SPEF2: variants seen among roughly 807,000 people sequenced by gnomAD.
SPEF2 encodes sperm flagellar and cilia associated 2.
Under a neutral mutation model 224.6 loss-of-function variants are expected in SPEF2, and 187 were observed. The ratio of observed to expected loss-of-function variants is 0.83; its 90% CI spans 0.74 to 0.94. The LOEUF is 0.94. Among genes scored for constraint, SPEF2 ranks in the 40% least tolerant of loss-of-function variants. The pLI is 0.00. For synonymous variants in SPEF2, 715 were observed against 707.3 expected, an observed-to-expected ratio of 1.01 and a Z score of -0.17; for missense variants, 2,170 against 2,135.6, an observed-to-expected ratio of 1.02 and a Z score of -0.32.
chr5:35,684,822 A>G (rs912759036), intron 10 of SPEF2, among the ~76,000 whole-genome samples: 1 of 152,226 alleles, frequency 6.6e-6, no homozygotes, highest in Non-Finnish European at 1.5e-5. Flanking sequence ...GCACAGCTCA[A>G]AATCATTACA....
At chr5:35,745,290 T>C (rs147060010) in intron 23 of SPEF2, among the ~76,000 whole-genome samples, 442 of 152,152 alleles carry the variant, frequency 2.9e-3, no homozygotes, top group Non-Finnish European at 4.7e-3. Context: ...CTGAACCTTG[T>C]AACAATTTGA....
chr5:35,807,205 T>A lies in SPEF2; in HGVS notation c.5331T>A (p.His1777Gln), dbSNP rs373714482. The A allele has an allele frequency of 1.5e-5, 25 of 1,613,788 alleles. No individual in the cohort carries two copies. The highest frequency in any genetic ancestry group is 1.6e-4 in the Middle Eastern group (1 of 6,080). Residue 1777 changes from histidine (H) to glutamine (Q), a missense_variant, in exon 36 of 37, where the codon CAT (histidine) becomes CAA (glutamine). Physicochemically the swap from His to Gln is conservative, Grantham distance 24. Transcript: ENST00000356031. Reference protein sequence around the residue: ...EPIEVAVLLKHPFIQDLISNY... With the variant: ...EPIEVAVLLKQPFIQDLISNY... ...TTGAAGTCGCTGTTCTCTTGAAGCA[T>A]CCTTTTATTCAAGACCTGATTTCAA...
chr5:35,689,421 A>G (rs1754121583), intron 10 of SPEF2, among the ~76,000 whole-genome samples: 1 of 152,146 alleles, frequency 6.6e-6, no homozygotes, highest in East Asian at 1.9e-4. Context: ...ATATTGCATG[A>G]TGCTATGTTT....
At chr5:35,648,304 G>A (rs954545904) in intron 5 of SPEF2, among the ~76,000 whole-genome samples, 7 of 151,574 alleles carry the variant, frequency 4.6e-5, no homozygotes, top group African/African-American at 1.7e-4. Flanking sequence ...ACCACCTACA[G>A]AGGCTTTTAT....
intron 23 of SPEF2, among the ~76,000 whole-genome samples, chr5:35,752,709 G>A (rs1009310824): frequency 0.046 from 8 of 174 alleles, no homozygotes; most frequent in East Asian, 0.35. Context: ...CCACCAGTTC[G>A]TATTCTGGCT....
intron 4 of SPEF2, 142 bp from the exon 5 acceptor site, chr5:35,646,525 A>G: frequency 1.5e-6 from 1 of 657,148 alleles, no homozygotes; most frequent in Non-Finnish European, 2.5e-6. Flanking sequence ...AATATTACAC[A>G]GTTGTGACAC....
intron 1 of SPEF2, among the ~76,000 whole-genome samples, chr5:35,624,313 T>C (rs1028305807): frequency 6.6e-6 from 1 of 152,200 alleles, no homozygotes; most frequent in Non-Finnish European, 1.5e-5. Context: ...ATCCCAGATG[T>C]AAGTAATTTT....
intron 30 of SPEF2, chr5:35,789,124 A>T (rs1335769195): frequency 2.9e-6 from 2 of 699,096 alleles, no homozygotes; most frequent in Non-Finnish European, 5.2e-6. Flanking sequence ...TTTGGGAAAG[A>T]TAACCACTAT....
At chr5:35,702,194 G>T (rs1738776630) in intron 16 of SPEF2, 1 of 456,114 alleles carries the variant, frequency 2.2e-6, no homozygotes, top group Non-Finnish European at 4.4e-6. Flanking sequence ...AGCCACTAGG[G>T]TTGGGTGCAA....
intron 25 of SPEF2, among the ~76,000 whole-genome samples, chr5:35,760,224 G>A (rs890415402): frequency 2.0e-5 from 3 of 151,698 alleles, no homozygotes; most frequent in Admixed American, 6.6e-5. Flanking sequence ...TTAGCCGGGC[G>A]TAGTGGCGGG....
At position 35,628,579 on chromosome 5, in the gene SPEF2, C is replaced by G. The variant is rs115972737; in HGVS notation, c.161+17C>G. The G allele has an allele frequency of 1.7e-3, 2,581 of 1,538,648 alleles. 32 individuals carry two copies. The African/African-American group carries it at 0.032, about 19-fold the overall frequency. On this transcript the variant is annotated intron_variant, in intron 2 of 36. Coordinates refer to ENST00000356031, the MANE Select transcript of SPEF2 (RefSeq NM_024867.4). ...GGACAGCAGGTTAGTGAGATTATTC[C>G]TTTTTGTTGTTGTTGTTGTTTATTT... is the stretch of plus-strand genomic sequence containing the variant.
At chr5:35,643,695 T>C in intron 3 of SPEF2, 1 of 362,678 alleles carries the variant, frequency 2.8e-6, no homozygotes, top group South Asian at 2.1e-5. Flanking sequence ...TGAGAAGAGG[T>C]GCAGGTAATA....
At chr5:35,713,875 ATT>A (rs1741823924) in intron 20 of SPEF2, among the ~76,000 whole-genome samples, 1 of 123,302 alleles carries the variant, frequency 8.1e-6, no homozygotes, top group Non-Finnish European at 1.6e-5. Context: ...AGTATTATAT[ATT>A]TTATATATAG....
chr5:35,644,621 A>T, intron 4 of SPEF2, 96 bp downstream of exon 4: 2 of 909,892 alleles, frequency 2.2e-6, no homozygotes, highest in Non-Finnish European at 3.1e-6. Context: ...GTAGTGGAGC[A>T]CAAGTTGCAC....
intron 30 of SPEF2, among the ~76,000 whole-genome samples, chr5:35,783,922 T>C (rs1308960451): frequency 8.5e-5 from 13 of 152,178 alleles, no homozygotes; most frequent in Admixed American, 8.5e-4. Context: ...TGTAAGCCCA[T>C]CGGTACTCAA....
intron 33 of SPEF2, among the ~76,000 whole-genome samples, chr5:35,798,782 TG>T (rs544845325): frequency 1.9e-3 from 294 of 152,128 alleles, no homozygotes; most frequent in Non-Finnish European, 3.4e-3. Flanking sequence ...TTATTAGAGA[TG>T]GGGTTTTGCT....
intron 24 of SPEF2, among the ~76,000 whole-genome samples, chr5:35,757,584 T>C (rs1750637951): frequency 6.6e-6 from 1 of 152,158 alleles, no homozygotes; most frequent in Non-Finnish European, 1.5e-5. Flanking sequence ...AATGTGTCAT[T>C]CTGCAAGTTC....
chr5:35,730,230 T>TA (rs1745415292), intron 21 of SPEF2, among the ~76,000 whole-genome samples: 1 of 152,214 alleles, frequency 6.6e-6, no homozygotes, highest in Non-Finnish European at 1.5e-5. Context: ...GAGGAGATCC[T>TA]GGGATCTCTT....
intron 7 of SPEF2, among the ~76,000 whole-genome samples, chr5:35,655,946 T>A (rs1323177054): frequency 6.6e-6 from 1 of 152,192 alleles, no homozygotes; most frequent in Admixed American, 6.5e-5. Context: ...TTGCTGTAAT[T>A]CAGGTAAGAG....
Sources: gnomAD v4.1 joint callset for allele counts (sites outside exome capture counted in the v4.1 genomes callset) on GRCh38, gnomAD v4.1.1 for gene constraint, MANE v1.5 for transcripts, NCBI Gene and HGNC (gene_info 2026-07-23, HGNC 2026-07-21) for gene names.